ZNF177: variants seen among roughly 807,000 people sequenced by gnomAD.
ZNF177 encodes the protein zinc finger protein 177.
In ZNF177, 17 loss-of-function variants were observed where a neutral mutation model predicts 19.4. The observed-to-expected ratio is 0.87, with a 90% CI of 0.60 to 1.31. The LOEUF (loss-of-function observed/expected upper bound fraction) is 1.31, where lower values mean the gene tolerates loss of function less well. Ranked by LOEUF, ZNF177 falls within the 40% of genes most tolerant of loss-of-function variation. The probability of loss-of-function intolerance (pLI) is 0.00; values close to 1 mark genes in which losing one functional copy is unlikely to be tolerated. For missense variants in ZNF177, 633 were observed against 561.8 expected, an observed-to-expected ratio of 1.13 and a Z score of -1.28; for synonymous variants, 220 against 188.7, an observed-to-expected ratio of 1.17 and a Z score of -1.36.
intron 1 of ZNF177, among the ~76,000 whole-genome samples, chr19:9,377,297 A>G (rs1386851737): frequency 6.6e-6 from 1 of 152,170 alleles, no homozygotes; most frequent in African/African-American, 2.4e-5. Context: ...ATGAATAGTA[A>G]TAAGTGACCA....
At chr19:9,374,631 A>G (rs1163601923), upstream of ZNF177, among the ~76,000 whole-genome samples, 1 of 151,992 alleles carries the variant, frequency 6.6e-6, no homozygotes, top group East Asian at 1.9e-4. Context: ...TTTTGATATT[A>G]TTATAAGTGA....
At chr19:9,380,551 CAT>C (rs1291133688) in intron 5 of ZNF177, 115 bp from the exon 8 acceptor site, 10 of 1,528,376 alleles carry the variant, frequency 6.5e-6, no homozygotes, top group East Asian at 4.9e-5. Context: ...AAATGGTACA[CAT>C]GTCAGTCATG....
upstream of ZNF177, among the ~76,000 whole-genome samples, chr19:9,373,341 G>A (rs1022095670): frequency 5.3e-5 from 8 of 151,962 alleles, 1 homozygote; most frequent in Admixed American, 1.3e-4. Context: ...TTTTCTTTAC[G>A]CATTCAGCAA....
upstream of ZNF177, among the ~76,000 whole-genome samples, chr19:9,373,906 T>TTA (rs754704776): frequency 1.3e-5 from 2 of 152,144 alleles, no homozygotes; most frequent in Non-Finnish European, 2.9e-5. Flanking sequence ...TGCAGAAACT[T>TTA]TTTAGTTTGA....
upstream of ZNF177, among the ~76,000 whole-genome samples, chr19:9,375,150 C>T (rs975541103): frequency 2.0e-5 from 3 of 152,042 alleles, no homozygotes; most frequent in African/African-American, 4.8e-5. Context: ...ATTGATTTTG[C>T]GTATCTTGAA....
At chr19:9,378,448 T>G in intron 2 of ZNF177, 104 bp downstream of exon 4, 1 of 1,539,554 alleles carries the variant, frequency 6.5e-7, no homozygotes, top group Non-Finnish European at 8.8e-7. Flanking sequence ...TGAGCTGGCT[T>G]CATCTTCCGC....
exon 6 of ZNF177, chr19:9,381,864 T>C (rs1024267005): frequency 1.3e-6 from 2 of 1,505,878 alleles, no homozygotes; most frequent in African/African-American, 2.8e-5. Context: ...TATGGTCACC[T>C]GGAAACAGCC....
chr19:9,380,928 A>G (rs1206289163), exon 6 of ZNF177: 5 of 1,536,428 alleles, frequency 3.3e-6, no homozygotes, highest in Non-Finnish European at 4.4e-6. Flanking sequence ...GAACTCCCAC[A>G]GGACAGAAGT....
chr19:9,379,015 A>G (rs377051407), exon 3 of ZNF177: 224 of 1,610,706 alleles, frequency 1.4e-4, no homozygotes, highest in Non-Finnish European at 1.6e-4. Flanking sequence ...AGGAGTGGGC[A>G]TTGCTGGACC....
chr19:9,380,873 G>GTAGAAAAGCTTTCAA, exon 6 of ZNF177: 1 of 1,536,110 alleles, frequency 6.5e-7, no homozygotes, highest in Non-Finnish European at 8.7e-7. Flanking sequence ...TTTACTGATT[G>GTAGAAAAGCTTTCAA]TAGAAAAGCT....
chr19:9,375,904 G>A (rs2068103268), upstream of ZNF177, among the ~76,000 whole-genome samples: 1 of 151,990 alleles, frequency 6.6e-6, no homozygotes, highest in African/African-American at 2.4e-5. Flanking sequence ...TTTGGGCTTA[G>A]CTGCTGCTTT....
At chr19:9,365,204 T>C (rs1290430667) in intron 2 of ZNF177, among the ~76,000 whole-genome samples, 1 of 151,886 alleles carries the variant, frequency 6.6e-6, no homozygotes, top group African/African-American at 2.4e-5. Flanking sequence ...GGTCTAAATA[T>C]GGGGGGAGTA....
At position 9,378,616 on chromosome 19, in the gene ZNF177, A is replaced by G. The variant is rs2068144669; in HGVS notation, c.33+272A>G. ...AAGACTTTTACTAGGAAAATTATTTATCATTTCTCAAGTATTTCTTGCATT... is the reference window on the plus strand; with the variant it reads ...AAGACTTTTACTAGGAAAATTATTTGTCATTTCTCAAGTATTTCTTGCATT... On this transcript the variant is annotated intron_variant, in intron 2 of 5. Transcript: ENST00000589262. 4 of 587,306 alleles carry G rather than the reference A, an allele frequency of 6.8e-6. No homozygotes were observed. In the South Asian group the frequency reaches 7.1e-5, roughly 10 times the overall value. 36.4% of individuals were successfully genotyped at this position (587,306 alleles called of 1,614,324 possible). A position where few individuals can be genotyped will look rare whatever the true frequency, so the allele number is the denominator to read the frequency against.
chr19:9,369,288 G>A (rs1259842347), intron 2 of ZNF177, among the ~76,000 whole-genome samples: 1 of 151,936 alleles, frequency 6.6e-6, no homozygotes, highest in Non-Finnish European at 1.5e-5. Context: ...CTTTAATTGT[G>A]CTAGCTTCTG....
chr19:9,380,867 C>T, exon 6 of ZNF177: 1 of 1,536,076 alleles, frequency 6.5e-7, no homozygotes, highest in East Asian at 2.4e-5. Context: ...CTTGAATTTA[C>T]TGATTGTAGA....
chr19:9,382,531 A>G (rs79620196), downstream of ZNF177: 1,068 of 397,192 alleles, frequency 2.7e-3, 11 homozygotes, highest in African/African-American at 0.02. Flanking sequence ...TGTGGTTTAA[A>G]CCACTCTTGT....
upstream of ZNF177, among the ~76,000 whole-genome samples, chr19:9,371,928 T>G (rs1568381837): frequency 6.6e-6 from 1 of 152,176 alleles, no homozygotes; most frequent in Non-Finnish European, 1.5e-5. Context: ...TCTATATCCA[T>G]TCAAATTTTT....
chr19:9,367,115 T>A (rs2067990251), intron 2 of ZNF177, among the ~76,000 whole-genome samples: 1 of 152,156 alleles, frequency 6.6e-6, no homozygotes. Context: ...GGTCAGCAGA[T>A]CAAGACCATC....
upstream of ZNF177, among the ~76,000 whole-genome samples, chr19:9,373,750 C>A (rs2195947): frequency 0.61 from 92,593 of 151,960 alleles, 28,831 homozygotes; most frequent in African/African-American, 0.73. Flanking sequence ...CTTTGGAAAA[C>A]TGTCTATTTA....
Sources: allele counts gnomAD v4.1 joint callset (sites outside exome capture counted in the v4.1 genomes callset), GRCh38; gene constraint gnomAD v4.1.1; transcripts MANE v1.5; gene names NCBI Gene and HGNC (gene_info 2026-07-23, HGNC 2026-07-21).